Variants in GRIN2B observed in about 807,000 individuals in gnomAD.
GRIN2B encodes glutamate ionotropic receptor NMDA type subunit 2B.
Under a neutral mutation model 114.5 loss-of-function variants are expected in GRIN2B, and 5 were observed. The ratio of observed to expected loss-of-function variants is 0.04; its 90% CI spans 0.02 to 0.09. The LOEUF is 0.09. Among genes scored for constraint, GRIN2B ranks in the 10% least tolerant of loss-of-function variants. GRIN2B has a pLI of 1.00. For synonymous variants in GRIN2B, 787 were observed against 745.1 expected, an observed-to-expected ratio of 1.06 and a Z score of -0.92; for missense variants, 1,108 against 1,943.5, an observed-to-expected ratio of 0.57 and a Z score of 8.08.
In GRIN2B at chr12:13,540,566, T is replaced by C. The variant is rs907350938; in HGVS notation, c.*22217A>G. ...ATTTCTTTTGTTTAAAGGTAAGTCA[T>C]TTGCTTATATATATACTTGTAATTA... On this transcript the variant is annotated 3_prime_UTR_variant, in exon 14 of 14. Transcript: ENST00000609686. The C allele has an allele frequency of 1.4e-5, 2 of 143,650 alleles. No individual in the cohort carries two copies. The highest frequency in any genetic ancestry group is 2.6e-5 in the African/African-American group (1 of 38,232). 8.9% of individuals were successfully genotyped at this position (143,650 alleles called of 1,614,324 possible). A position where few individuals can be genotyped will look rare whatever the true frequency, so the allele number is the denominator to read the frequency against.
chr12:13,836,239 C>A (rs942074245), intron 3 of GRIN2B, among the ~76,000 whole-genome samples: 2 of 152,326 alleles, frequency 1.3e-5, no homozygotes. Context: ...TCCCAGGAGA[C>A]TTGACGGGCA....
intron 3 of GRIN2B, among the ~76,000 whole-genome samples, chr12:13,759,985 G>C (rs529944557): frequency 6.6e-6 from 1 of 152,226 alleles, no homozygotes; most frequent in Admixed American, 6.5e-5. Context: ...CAGCTACCCA[G>C]GTATCACACA....
Position 13,562,679 on chromosome 12 carries a change from G to T in GRIN2B, c.*104C>A, listed in dbSNP as rs2136401912. 1.0e-6 allele frequency: 1 copy of T among 984,514 alleles called. No individual in the cohort carries two copies. Among genetic ancestry groups the T allele is most frequent in the Non-Finnish European group, 1.6e-6 (1 of 612,052 alleles). The allele number at this position is 984,514 out of a possible 1,614,324, so 61.0% of individuals were successfully genotyped here. A position where few individuals can be genotyped will look rare whatever the true frequency, so the allele number is the denominator to read the frequency against. ...ATAAATAAATTAAAACAAGAAAGGA[G>T]CAAATGGGAACCAAGTTCACCCCCG... On this transcript the variant is annotated 3_prime_UTR_variant, in exon 14 of 14. Transcript: ENST00000609686.
chr12:13,773,601 C>T (rs1863947464), intron 3 of GRIN2B, among the ~76,000 whole-genome samples: 1 of 152,046 alleles, frequency 6.6e-6, no homozygotes, highest in African/African-American at 2.4e-5. Context: ...GGTATGGGCA[C>T]ACTGATCTCT....
chr12:13,933,947 C>A (rs926397318), intron 2 of GRIN2B, among the ~76,000 whole-genome samples: 1 of 152,196 alleles, frequency 6.6e-6, no homozygotes, highest in African/African-American at 2.4e-5. Flanking sequence ...ATATCTTCTG[C>A]TCACCACCAA....
rs915881751 is a variant in GRIN2B, at chr12:13,866,132, G to C, written c.77C>G (p.Ala26Gly). ...GCTGGGGGGGCTCTTCTGAGAACGAGCTCTGCTGCCTGACACGGCCAGGAC... is the reference window on the plus strand; with the variant it reads ...GCTGGGGGGGCTCTTCTGAGAACGACCTCTGCTGCCTGACACGGCCAGGAC... ...LAVLAVSGSR[A>G]RSQKSPPSIG... Residue 26 changes from alanine (A) to glycine (G), a missense_variant, in exon 3 of 14, where the codon GCT (alanine) becomes GGT (glycine). Ala to Gly is a moderately conservative substitution (Grantham distance 60). This residue lies in a region of GRIN2B where 46 missense variants were observed against 44.4 expected (regional missense o/e 1.04). Coordinates refer to ENST00000609686, the MANE Select transcript of GRIN2B (RefSeq NM_000834.5). The C allele has an allele frequency of 1.2e-6, 2 of 1,613,508 alleles. No homozygotes were observed. The highest frequency in any genetic ancestry group is 4.5e-5 in the East Asian group (2 of 44,842).
At chr12:13,650,140 C>T (rs1304432561) in intron 5 of GRIN2B, among the ~76,000 whole-genome samples, 1 of 152,024 alleles carries the variant, frequency 6.6e-6, no homozygotes, top group Non-Finnish European at 1.5e-5. Context: ...CAAGGCCCTC[C>T]AGAGTCTAGG....
At chr12:13,885,955 A>G (rs759576430) in intron 2 of GRIN2B, among the ~76,000 whole-genome samples, 2 of 152,174 alleles carry the variant, frequency 1.3e-5, no homozygotes, top group Non-Finnish European at 2.9e-5. Flanking sequence ...GGTGATGTGG[A>G]ACACCTGGAG....
At chr12:13,865,044 C>G (rs1050541012) in intron 3 of GRIN2B, among the ~76,000 whole-genome samples, 3 of 152,152 alleles carry the variant, frequency 2.0e-5, no homozygotes, top group South Asian at 2.1e-4. Context: ...AGCGTTAATA[C>G]CTTGGCAAGA....
intron 10 of GRIN2B, among the ~76,000 whole-genome samples, chr12:13,591,187 A>G (rs1033736456): frequency 6.6e-6 from 1 of 152,062 alleles, no homozygotes; most frequent in African/African-American, 2.4e-5. Flanking sequence ...CCCACCTCAA[A>G]ATCTCACTGA....
intron 10 of GRIN2B, among the ~76,000 whole-genome samples, chr12:13,574,560 A>G (rs566804954): frequency 6.6e-6 from 1 of 152,320 alleles, no homozygotes; most frequent in Admixed American, 6.5e-5. Context: ...ATGGCAATCC[A>G]TGCAAGGTAT....
chr12:13,753,996 G>T lies in GRIN2B; in HGVS notation c.412-81C>A. 1.2e-6 allele frequency: 1 copy of T among 833,564 alleles called. No homozygotes were observed. The highest frequency in any genetic ancestry group is 2.0e-6 in the Non-Finnish European group (1 of 487,962). The allele number at this position is 833,564 out of a possible 1,614,324, so 51.6% of individuals were successfully genotyped here. Reference sequence around the variant, plus strand: ...GTAATGGAGATTTTGAACCAAGTGGGTACAAAGATTTGTGTTCATTACTTA... The same window carrying T: ...GTAATGGAGATTTTGAACCAAGTGGTTACAAAGATTTGTGTTCATTACTTA... On this transcript the variant is annotated intron_variant, in intron 3 of 13. Coordinates refer to ENST00000609686, the MANE Select transcript of GRIN2B (RefSeq NM_000834.5). The surrounding 1 kb of genome is among the most constrained non-coding windows in gnomAD (Gnocchi z 6.2).
chr12:13,643,253 T>C lies in GRIN2B; in HGVS notation c.1126-26596A>G, dbSNP rs1422056405. 2.0e-5 allele frequency among the ~76,000 whole-genome samples: 3 copies of C among 152,168 alleles called. No homozygotes were observed. The East Asian group carries it at 5.8e-4, about 29-fold the overall frequency. On this transcript the variant is annotated intron_variant, in intron 5 of 13. Transcript: ENST00000609686. ...CTAGGAGATATTACAGGTTTGGTTC[T>C]AGACCACCACAATAAAGCAAGTATT...
intron 2 of GRIN2B, among the ~76,000 whole-genome samples, chr12:13,931,071 A>C (rs188201632): frequency 6.6e-6 from 1 of 152,326 alleles, no homozygotes; most frequent in East Asian, 1.9e-4. Flanking sequence ...CTACTAGTTC[A>C]GTTCTAGGCA....
At chr12:13,618,356 T>A (rs191505373) in intron 5 of GRIN2B, among the ~76,000 whole-genome samples, 10 of 152,340 alleles carry the variant, frequency 6.6e-5, no homozygotes, top group African/African-American at 1.9e-4. Flanking sequence ...CAATAATGTG[T>A]AAAAAGTTGA....
At chr12:13,894,579 CT>C (rs901737873) in intron 2 of GRIN2B, among the ~76,000 whole-genome samples, 2 of 151,922 alleles carry the variant, frequency 1.3e-5, no homozygotes, top group African/African-American at 4.8e-5. Flanking sequence ...ATTCGAGTGA[CT>C]TTTTTTTCTG....
intron 5 of GRIN2B, among the ~76,000 whole-genome samples, chr12:13,623,562 A>G (rs1338724804): frequency 1.3e-5 from 2 of 152,138 alleles, no homozygotes; most frequent in Non-Finnish European, 2.9e-5. Context: ...GCACCTTTCC[A>G]CATCTCTTAG....
intron 5 of GRIN2B, among the ~76,000 whole-genome samples, chr12:13,626,286 G>T (rs1313395832): frequency 6.6e-6 from 1 of 152,144 alleles, no homozygotes; most frequent in Non-Finnish European, 1.5e-5. Flanking sequence ...CATGCCCAAG[G>T]CCTTGGCTTG....
chr12:13,717,724 T>TAAAGCAAAA (rs1217767417), intron 4 of GRIN2B, among the ~76,000 whole-genome samples: 2 of 152,006 alleles, frequency 1.3e-5, no homozygotes, highest in African/African-American at 2.4e-5. Context: ...ATACCTTCAC[T>TAAAGCAAAA]GTCATAAAGC....
Sources: allele counts gnomAD v4.1 joint callset (sites outside exome capture counted in the v4.1 genomes callset), GRCh38; gene constraint gnomAD v4.1.1; regional missense constraint gnomAD v4.1.1; non-coding constraint Gnocchi (gnomAD v3.1); transcripts MANE v1.5; gene names NCBI Gene and HGNC (gene_info 2026-07-23, HGNC 2026-07-21).